Variants in TMEM50B observed in about 807,000 individuals in gnomAD.
The protein encoded by TMEM50B is HCV p7-trans-regulated protein 3.
A neutral mutation model predicts 23.4 loss-of-function variants in TMEM50B; 14 were observed. The ratio of observed to expected loss-of-function variants is 0.60; its 90% CI spans 0.39 to 0.93. The LOEUF (loss-of-function observed/expected upper bound fraction) is 0.93. Among genes scored for constraint, TMEM50B ranks in the 40% least tolerant of loss-of-function variants. TMEM50B has a pLI of 0.00. For synonymous variants in TMEM50B, 64 were observed against 62.3 expected (o/e 1.03, Z -0.13); for missense variants, 159 against 193.0 (o/e 0.82, Z 1.04).
At chr21:33,472,320 T>C (rs951270170) in intron 1 of TMEM50B, among the ~76,000 whole-genome samples, 7 of 151,790 alleles carry the variant, frequency 4.6e-5, no homozygotes, top group Admixed American at 3.3e-4. Flanking sequence ...GAGGCGGAGG[T>C]TGCAGTGAGC....
At chr21:33,446,567 G>A (rs1041374650), downstream of TMEM50B, among the ~76,000 whole-genome samples, 11 of 131,346 alleles carry the variant, frequency 8.4e-5, no homozygotes, top group Admixed American at 9.0e-5. Flanking sequence ...TGTTCCAGGA[G>A]ATAAATTTCC....
Position 33,432,891 on chromosome 21 carries a change from T to TG in TMEM50B, c.*2121-90_*2121-89insC, listed in dbSNP as rs747344228. The TG allele has an allele frequency of 4.7e-6, 4 of 842,426 alleles. No individual in the cohort carries two copies. In the African/African-American group the frequency reaches 6.0e-5, roughly 13 times the overall value. 52.2% of individuals were successfully genotyped at this position (842,426 alleles called of 1,614,324 possible). On this transcript the variant is annotated intron_variant and NMD_transcript_variant, in intron 8 of 8. Coordinates refer to the TMEM50B transcript ENST00000420455. Reference sequence around the variant, plus strand: ...GAAGAGGTACGTGTGCACACATCTCTTTTTTTTTTTTTGAGACAGGGTCTT... The same window carrying TG: ...GAAGAGGTACGTGTGCACACATCTCTGTTTTTTTTTTTTGAGACAGGGTCTT...
In TMEM50B at chr21:33,463,092, G is replaced by T. The variant is rs182199050; in HGVS notation, c.280+2250C>A. Among the ~76,000 whole-genome samples, 3 of 152,304 alleles carry T rather than the reference G, an allele frequency of 2.0e-5. No homozygotes were observed. In the East Asian group the frequency reaches 5.8e-4, roughly 29 times the overall value. ...GCATCACCTGAGGTCAGGAGTTTGA[G>T]AACAGCCTGGCCAACATGGTGAAAC... On this transcript the variant is annotated intron_variant, in intron 4 of 6. Transcript: ENST00000542230.
intron 1 of TMEM50B, among the ~76,000 whole-genome samples, chr21:33,470,667 G>A (rs982745994): frequency 2.4e-4 from 37 of 152,200 alleles, no homozygotes; most frequent in African/African-American, 8.9e-4. Flanking sequence ...AACCCGGGAG[G>A]CGGGGCTTGC....
chr21:33,478,626 T>C (rs1236753507), intron 1 of TMEM50B, among the ~76,000 whole-genome samples: 2 of 152,136 alleles, frequency 1.3e-5, no homozygotes, highest in Non-Finnish European at 2.9e-5. Flanking sequence ...GAAGGCTGTG[T>C]CTCCGGAAGA....
rs1336070236 is a variant in TMEM50B, at chr21:33,467,116, TA to T, written c.105del (p.Phe35LeufsTer6). ...GCATCAATCATTATCCACCAGCCTG[TA>T]AAAAACTTAAAACACAGCCCAAGTC... ...VASVVAGILF[F>X]TGWWIMIDAA... On this transcript the variant is annotated frameshift_variant, in exon 3 of 7. Coordinates refer to ENST00000542230, the MANE Select transcript of TMEM50B (RefSeq NM_006134.7). LOFTEE classifies it high-confidence loss of function. 1 of 1,613,646 alleles carries T rather than the reference TA, an allele frequency of 6.2e-7. No individual in the cohort carries two copies. The highest frequency in any genetic ancestry group is 1.3e-5 in the African/African-American group (1 of 74,916).
downstream of TMEM50B, among the ~76,000 whole-genome samples, chr21:33,444,803 C>CAAAAAAAAAAAAAA (rs60816843): frequency 3.1e-5 from 3 of 96,294 alleles, no homozygotes; most frequent in Admixed American, 2.4e-4. Context: ...CATCTCTTTA[C>CAAAAAAAAAAAAAA]AAAAAAAAAA....
At chr21:33,473,482 A>G (rs2084337646) in intron 1 of TMEM50B, among the ~76,000 whole-genome samples, 2 of 150,528 alleles carry the variant, frequency 1.3e-5, no homozygotes, top group Non-Finnish European at 3.0e-5. Flanking sequence ...AAAAAAACTC[A>G]ATCCCAAATT....
At chr21:33,435,162 A>G (rs982250813) in intron 8 of TMEM50B, among the ~76,000 whole-genome samples, 1 of 152,212 alleles carries the variant, frequency 6.6e-6, no homozygotes, top group Non-Finnish European at 1.5e-5. Context: ...GGCTAAGCCT[A>G]AAGCCTGCGG....
intron 4 of TMEM50B, among the ~76,000 whole-genome samples, chr21:33,461,834 A>G (rs1415598622): frequency 1.3e-5 from 2 of 152,050 alleles, no homozygotes; most frequent in Non-Finnish European, 2.9e-5. Context: ...ATTATTTTCC[A>G]TCATGTCCTT....
chr21:33,437,889 T>C (rs1392482494), intron 8 of TMEM50B, among the ~76,000 whole-genome samples: 2 of 147,176 alleles, frequency 1.4e-5, no homozygotes, highest in African/African-American at 2.5e-5. Context: ...GAGGCTAAAG[T>C]GGGAGGATGC....
chr21:33,455,718 G>A lies in TMEM50B; in HGVS notation c.431+9C>T, dbSNP rs749705832. The A allele has an allele frequency of 1.2e-6, 2 of 1,610,966 alleles. No homozygotes were observed. Among genetic ancestry groups the A allele is most frequent in the Non-Finnish European group, 1.7e-6 (2 of 1,177,532 alleles). ...GTTACAGGCGTGGTTAAAAAATAAG[G>A]CAACTTACCTAAAAAATATAAGTGC... On this transcript the variant is annotated intron_variant, in intron 6 of 6. Transcript: ENST00000542230.
intron 3 of TMEM50B, among the ~76,000 whole-genome samples, chr21:33,466,282 T>C (rs2850028): frequency 0.59 from 89,163 of 151,940 alleles, 28,221 homozygotes; most frequent in East Asian, 0.83. Context: ...AACCTCCTGA[T>C]GGTATAAGGA....
chr21:33,447,539 G>T (rs892117162), downstream of TMEM50B, among the ~76,000 whole-genome samples: 2 of 152,156 alleles, frequency 1.3e-5, no homozygotes, highest in Non-Finnish European at 2.9e-5. Context: ...GAGATCATGA[G>T]TTCAATGCAC....
At chr21:33,436,213 G>C (rs533619339) in intron 8 of TMEM50B, among the ~76,000 whole-genome samples, 1 of 151,404 alleles carries the variant, frequency 6.6e-6, no homozygotes, top group Admixed American at 6.6e-5. Context: ...AAATTAGCAG[G>C]GTGTGGTGGT....
Position 33,471,286 on chromosome 21 carries a change from CA to C in TMEM50B, c.-41-2361del, listed in dbSNP as rs2084313184. Among the ~76,000 whole-genome samples the C allele has an allele frequency of 2.0e-5, 3 of 152,128 alleles. No homozygotes were observed. The South Asian group carries it at 6.2e-4, about 32-fold the overall frequency. On this transcript the variant is annotated intron_variant, in intron 1 of 6. Transcript: ENST00000542230. ...TTTAACTGCCTGTTACAATAAAAAG[CA>C]ATACTTTTCAGATGAAGATAACAAA...
chr21:33,459,075 C>A (rs2084194307), intron 5 of TMEM50B, among the ~76,000 whole-genome samples: 1 of 152,112 alleles, frequency 6.6e-6, no homozygotes, highest in Non-Finnish European at 1.5e-5. Flanking sequence ...AAAGAGATTC[C>A]AGAGGTAGAG....
At chr21:33,433,884 T>C (rs2083916486) in intron 8 of TMEM50B, among the ~76,000 whole-genome samples, 1 of 152,106 alleles carries the variant, frequency 6.6e-6, no homozygotes, top group Non-Finnish European at 1.5e-5. Flanking sequence ...AGGTCTCCTC[T>C]GCTGTCTGGA....
chr21:33,439,142 G>A (rs1320977315), intron 8 of TMEM50B: 1 of 152,296 alleles, frequency 6.6e-6, no homozygotes, highest in Non-Finnish European at 1.5e-5. Context: ...AGCATCTGTT[G>A]TATGCATTAG....
Sources: allele counts gnomAD v4.1 joint callset (sites outside exome capture counted in the v4.1 genomes callset), GRCh38; gene constraint gnomAD v4.1.1; transcripts MANE v1.5; gene names NCBI Gene and HGNC (gene_info 2026-07-23, HGNC 2026-07-21).